The following PCSK2 variants were observed in gnomAD, a reference collection of about 807,000 sequenced individuals.
PCSK2 encodes proprotein convertase subtilisin/kexin type 2, also known as neuroendocrine convertase 2.
In PCSK2, 14 loss-of-function variants were observed where a neutral mutation model predicts 69.7. That is an observed-to-expected ratio of 0.20 (90% CI 0.13 to 0.31). The LOEUF (loss-of-function observed/expected upper bound fraction) is 0.31, where lower values mean the gene tolerates loss of function less well. PCSK2 is among the 10% of genes least tolerant of loss of function. PCSK2 has a pLI of 1.00. For synonymous variants in PCSK2, 307 were observed against 320.7 expected, an observed-to-expected ratio of 0.96 and a Z score of 0.46; for missense variants, 544 against 842.5, an observed-to-expected ratio of 0.65 and a Z score of 4.39.
At chr20:17,395,765 A>G (rs2031496752) in intron 5 of PCSK2, among the ~76,000 whole-genome samples, 1 of 152,234 alleles carries the variant, frequency 6.6e-6, no homozygotes, top group Non-Finnish European at 1.5e-5. Context: ...ACAGAAGGAA[A>G]AAACATCATC....
intron 10 of PCSK2, among the ~76,000 whole-genome samples, chr20:17,457,888 A>T (rs1387895139): frequency 6.6e-6 from 1 of 152,176 alleles, no homozygotes; most frequent in African/African-American, 2.4e-5. Flanking sequence ...TTTTTGACAA[A>T]CAAAATCCTA....
chr20:17,345,409 A>G (rs1421948033), intron 2 of PCSK2, among the ~76,000 whole-genome samples: 1 of 152,198 alleles, frequency 6.6e-6, no homozygotes, highest in Non-Finnish European at 1.5e-5. Context: ...TGTCCGTGCT[A>G]TACACCAGAA....
chr20:17,481,784 A>G lies in PCSK2; in HGVS notation c.1631A>G (p.Asp544Gly). 1 of 1,613,962 alleles carries G rather than the reference A, an allele frequency of 6.2e-7. No individual in the cohort carries two copies. The highest frequency in any genetic ancestry group is 8.5e-7 in the Non-Finnish European group (1 of 1,179,996). ...CTGAGCCGGCGTCCAAGGGATGACG[A>G]CTCCAAGGTGGGCTTTGACAAGTGG... ...ILLSRRPRDD[D>G]SKVGFDKWPF... is the part of the protein sequence containing the mutation. The change falls in exon 12 of 12, where the codon GAC (aspartate) becomes GGC (glycine). Residue 544 changes from aspartate to glycine, a missense_variant. By Grantham distance (94) the Asp-to-Gly change is moderately conservative. Around this residue, in one of 3 missense-constraint regions of PCSK2, gnomAD observed 200 missense variants for 287.8 expected, o/e 0.69. Coordinates refer to ENST00000262545, the MANE Select transcript of PCSK2 (RefSeq NM_002594.5).
intron 2 of PCSK2, among the ~76,000 whole-genome samples, chr20:17,268,236 A>T (rs1987710066): frequency 2.6e-5 from 4 of 152,014 alleles, no homozygotes; most frequent in Admixed American, 2.6e-4. Context: ...ACTGAAATAT[A>T]ACAGTGAACA....
chr20:17,264,399 A>G (rs1987512052), intron 2 of PCSK2, among the ~76,000 whole-genome samples: 1 of 152,140 alleles, frequency 6.6e-6, no homozygotes, highest in Admixed American at 6.5e-5. Flanking sequence ...TCCAATAAAA[A>G]CTTTCCTTGC....
At position 17,227,323 on chromosome 20, in the gene PCSK2, C is replaced by T; in HGVS notation, c.18C>T (p.Val6=). The T allele has an allele frequency of 6.2e-7, 1 of 1,613,882 alleles. No homozygotes were observed. Among genetic ancestry groups the T allele is most frequent in the South Asian group, 1.1e-5 (1 of 91,070 alleles). ...AAAGAAGGATGAAGGGTGGTTGTGT[C>T]TCCCAGTGGAAGGCGGCCGCCGGGT... MKGGC[V]SQWKAAAGFL... The change falls in exon 1 of 12, where the codon GTC becomes GTT. Residue 6 remains valine, a synonymous_variant. Coordinates refer to ENST00000262545, the MANE Select transcript of PCSK2 (RefSeq NM_002594.5).
At chr20:17,250,569 C>G (rs1986936489) in intron 1 of PCSK2, among the ~76,000 whole-genome samples, 1 of 152,106 alleles carries the variant, frequency 6.6e-6, no homozygotes, top group Non-Finnish European at 1.5e-5. Flanking sequence ...GAGATGTTTG[C>G]CGGCCACAAT....
At chr20:17,451,430 T>C (rs935162699) in intron 8 of PCSK2, among the ~76,000 whole-genome samples, 41 of 152,298 alleles carry the variant, frequency 2.7e-4, no homozygotes, top group African/African-American at 9.4e-4. Flanking sequence ...CTCCTGTGTC[T>C]GGCAGCTGTC....
chr20:17,267,122 C>A (rs1385221037), intron 2 of PCSK2, among the ~76,000 whole-genome samples: 2 of 152,152 alleles, frequency 1.3e-5, no homozygotes, highest in Non-Finnish European at 2.9e-5. Flanking sequence ...TCCCCATCCA[C>A]CCCTGCTGCC....
At chr20:17,371,565 T>TA (rs2030763977) in intron 5 of PCSK2, among the ~76,000 whole-genome samples, 3 of 152,122 alleles carry the variant, frequency 2.0e-5, no homozygotes, top group African/African-American at 7.2e-5. Context: ...ATGTTATCTG[T>TA]CAAAAAATAT....
chr20:17,254,882 C>G (rs1032763174), intron 1 of PCSK2, among the ~76,000 whole-genome samples: 1 of 152,134 alleles, frequency 6.6e-6, no homozygotes, highest in Non-Finnish European at 1.5e-5. Context: ...ATACATCTTG[C>G]ACTTCTTTTG....
At chr20:17,336,593 A>G (rs981694479) in intron 2 of PCSK2, among the ~76,000 whole-genome samples, 7 of 152,218 alleles carry the variant, frequency 4.6e-5, no homozygotes, top group African/African-American at 1.2e-4. Context: ...AGGAGCAACA[A>G]TGGCAGTTCT....
intron 5 of PCSK2, 125 bp from the exon 6 acceptor site, chr20:17,409,138 T>A: frequency 1.4e-6 from 1 of 708,210 alleles, no homozygotes; most frequent in Non-Finnish European, 2.5e-6. Flanking sequence ...TTGTGAGGTT[T>A]GGTCCAGTGC....
At chr20:17,326,759 T>C (rs1020732083) in intron 2 of PCSK2, among the ~76,000 whole-genome samples, 2 of 152,248 alleles carry the variant, frequency 1.3e-5, no homozygotes, top group African/African-American at 4.8e-5. Flanking sequence ...ATTTGTTATC[T>C]AGGGAAGAAA....
chr20:17,269,110 T>A (rs1332997490), intron 2 of PCSK2, among the ~76,000 whole-genome samples: 1 of 152,144 alleles, frequency 6.6e-6, no homozygotes, highest in Non-Finnish European at 1.5e-5. Context: ...CACGTTAACA[T>A]TTGAGATTTG....
intron 8 of PCSK2, among the ~76,000 whole-genome samples, chr20:17,438,848 T>C (rs2032539332): frequency 6.6e-6 from 1 of 152,372 alleles, no homozygotes; most frequent in Non-Finnish European, 1.5e-5. Context: ...CAGAGCCCCC[T>C]GTGGGCCAGG....
intron 2 of PCSK2, among the ~76,000 whole-genome samples, chr20:17,263,382 C>A (rs762555757): frequency 2.6e-5 from 4 of 152,334 alleles, no homozygotes; most frequent in Admixed American, 6.5e-5. Context: ...CTTTCCAGTT[C>A]TTCCTGCTAA....
chr20:17,227,610 C>A, intron 1 of PCSK2, 128 bp downstream of exon 1: 1 of 664,878 alleles, frequency 1.5e-6, no homozygotes, highest in Non-Finnish European at 2.6e-6. Flanking sequence ...CTGCCATGGG[C>A]TCTTTAACAC....
intron 1 of PCSK2, among the ~76,000 whole-genome samples, chr20:17,230,682 G>A (rs1411794919): frequency 6.6e-6 from 1 of 152,012 alleles, no homozygotes. Context: ...TCTTCAGGTA[G>A]ACTATAAATC....
Sources: gnomAD v4.1 joint callset for allele counts (sites outside exome capture counted in the v4.1 genomes callset) on GRCh38, gnomAD v4.1.1 for gene constraint, gnomAD v4.1.1 regional missense constraint, MANE v1.5 for transcripts, NCBI Gene and HGNC (gene_info 2026-07-23, HGNC 2026-07-21) for gene names.